The following METTL27 variants were observed in gnomAD, a reference collection of about 807,000 sequenced individuals.
The protein encoded by METTL27 is methyltransferase like 27.
METTL27 carries 29 observed loss-of-function variants against 24.5 expected under a neutral mutation model. The ratio of observed to expected loss-of-function variants is 1.18; its 90% confidence interval spans 0.88 to 1.61. The LOEUF (loss-of-function observed/expected upper bound fraction) is 1.61. METTL27 is among the 40% of genes most tolerant of loss of function. METTL27 has a pLI of 0.00. For synonymous variants in METTL27, 138 were observed against 146.8 expected (o/e 0.94, Z 0.43); for missense variants, 341 against 324.3 (o/e 1.05, Z -0.40).
At position 73,842,072 on chromosome 7, in the gene METTL27, G is replaced by C. The variant is rs1422129653; in HGVS notation, c.69C>G (p.Pro23=). 3.1e-6 allele frequency: 5 copies of C among 1,613,910 alleles called. No individual in the cohort carries two copies. The highest frequency in any genetic ancestry group is 4.2e-6 in the Non-Finnish European group (5 of 1,179,992). ...RARVRAAHGI[P]DLAQKLHFYD... ...AGAAATGGAGCTTTTGGGCCAGGTC[G>C]GGGATGCCATGCGCGGCCCTGACCC... The change falls in exon 2 of 6, where the codon CCC becomes CCG. Residue 23 remains proline, a synonymous_variant. Transcript: ENST00000297873.
Position 73,840,133 on chromosome 7 carries a change from G to GC in METTL27, c.389-14_389-13insG. On this transcript the variant is annotated splice_polypyrimidine_tract_variant and intron_variant, in intron 4 of 5. Transcript: ENST00000297873. ...GCGTCGAAGGTCCCTGTGTGTGTGT[G>GC]GGGGGGGGTGGGGACATGGTGTGAT... is the stretch of plus-strand genomic sequence containing the variant. 2.4e-6 allele frequency: 3 copies of GC among 1,244,240 alleles called. No individual in the cohort carries two copies. Among genetic ancestry groups the GC allele is most frequent in the Non-Finnish European group, 3.3e-6 (3 of 912,840 alleles). 77.1% of individuals were successfully genotyped at this position (1,244,240 alleles called of 1,614,324 possible).
intron 3 of METTL27, 103 bp from the exon 4 acceptor site, chr7:73,840,652 A>G (rs973980386): frequency 1.4e-6 from 2 of 1,453,700 alleles, no homozygotes; most frequent in Admixed American, 2.5e-5. Flanking sequence ...AATGTGGCCC[A>G]TGCATTTGCT....
At chr7:73,837,637 C>T (rs1788247388) in intron 5 of METTL27, among the ~76,000 whole-genome samples, 1 of 151,962 alleles carries the variant, frequency 6.6e-6, no homozygotes, top group South Asian at 2.1e-4. Flanking sequence ...GCTCTTGGCT[C>T]ACTTCAGCCT....
At position 73,841,024 on chromosome 7, in the gene METTL27, G is replaced by T. The variant is rs1222826658; in HGVS notation, c.252+46C>A. The T allele has an allele frequency of 2.1e-6, 3 of 1,418,590 alleles. No individual in the cohort carries two copies. The African/African-American group carries it at 4.5e-5, about 21-fold the overall frequency. The allele number at this position is 1,418,590 out of a possible 1,614,324, so 87.9% of individuals were successfully genotyped here. ...GGCCAGGGGCAGTAGGAGATTTGAGGAAGTGCGGGGCTAAGGAGTAGGCAG... is the reference window on the plus strand; with the variant it reads ...GGCCAGGGGCAGTAGGAGATTTGAGTAAGTGCGGGGCTAAGGAGTAGGCAG... On this transcript the variant is annotated intron_variant, in intron 3 of 5. Transcript: ENST00000297873.
At chr7:73,839,623 T>G in intron 5 of METTL27, 1 of 172,850 alleles carries the variant, frequency 5.8e-6, no homozygotes. Flanking sequence ...TATGAATGAG[T>G]GAGGAAGCAG....
intron 2 of METTL27, 72 bp from the exon 3 acceptor site, chr7:73,841,270 CAG>C: frequency 1.3e-6 from 2 of 1,508,722 alleles, no homozygotes; most frequent in Non-Finnish European, 1.8e-6. Context: ...GGGGTGGTCT[CAG>C]AGTCTGCCAG....
In METTL27 at chr7:73,834,800, T is replaced by C. The variant is rs1554634708; in HGVS notation, c.681A>G (p.Ser227=). Reference sequence around the variant, plus strand: ...CGGTACAGGTAGACAATGCCGGAGATGAAGCCATCCTTGGCAGAGATGCCG... The same window carrying C: ...CGGTACAGGTAGACAATGCCGGAGACGAAGCCATCCTTGGCAGAGATGCCG... ...WYPASLPRMA[S]SPALSTCTES... Residue 227 remains serine (S), a synonymous_variant, in exon 6 of 6, where the codon TCA becomes TCG. Transcript: ENST00000297873. The C allele has an allele frequency of 1.9e-6, 3 of 1,614,140 alleles. No homozygotes were observed. The highest frequency in any genetic ancestry group is 1.7e-5 in the Admixed American group (1 of 60,026).
chr7:73,837,720 C>T (rs537117767), intron 5 of METTL27, among the ~76,000 whole-genome samples: 13 of 152,258 alleles, frequency 8.5e-5, no homozygotes, highest in African/African-American at 3.1e-4. Flanking sequence ...CGTGCCACCA[C>T]GCCCGGCTAT....
chr7:73,841,874 T>A (rs1320596948), intron 2 of METTL27, 144 bp downstream of exon 2: 3 of 1,354,954 alleles, frequency 2.2e-6, no homozygotes, highest in Non-Finnish European at 3.0e-6. Context: ...GTGGGGCGGG[T>A]TCTGGAAGGG....
Position 73,840,126 on chromosome 7 carries a change from TGTGTGTGGGGGGGG to T in METTL27, c.389-20_389-7del. 3 of 1,258,362 alleles carry T rather than the reference TGTGTGTGGGGGGGG, an allele frequency of 2.4e-6. No individual in the cohort carries two copies. Among genetic ancestry groups the T allele is most frequent in the South Asian group, 1.4e-5 (1 of 72,992 alleles). The allele number at this position is 1,258,362 out of a possible 1,614,324, so 77.9% of individuals were successfully genotyped here. ...CAGCACCGCGTCGAAGGTCCCTGTG[TGTGTGTGGGGGGGG>T]GTGGGGACATGGTGTGATGCTTGGA... On this transcript the variant is annotated splice_polypyrimidine_tract_variant and splice_region_variant and intron_variant, in intron 4 of 5. Coordinates refer to ENST00000297873, the MANE Select transcript of METTL27 (RefSeq NM_152559.3).
chr7:73,841,064 C>A lies in METTL27; in HGVS notation c.252+6G>T. 6.8e-7 allele frequency: 1 copy of A among 1,477,882 alleles called. No homozygotes were observed. The allele number at this position is 1,477,882 out of a possible 1,614,324, so 91.5% of individuals were successfully genotyped here. On this transcript the variant is annotated splice_donor_region_variant and intron_variant, in intron 3 of 5. Transcript: ENST00000297873. ...GGAGTAGGCAGGGGATCTGGAAGAG[C>A]CTCACCTCGGCAGCCACTAGGCCTG...
At position 73,840,460 on chromosome 7, in the gene METTL27, G is replaced by A; in HGVS notation, c.342C>T (p.Arg114=). 1 of 1,604,108 alleles carries A rather than the reference G, an allele frequency of 6.2e-7. No individual in the cohort carries two copies. Among genetic ancestry groups the A allele is most frequent in the Non-Finnish European group, 8.5e-7 (1 of 1,176,096 alleles). Residue 114 remains arginine, a synonymous_variant, in exon 4 of 6, where the codon CGC becomes CGT. Transcript: ENST00000297873. ...EQAQAPGLYQ[R]LSLCTLGQEP... ...CCTGGCCCAGGGTGCAGAGGCTGAG[G>A]CGCTGATAGAGGCCGGGGGCCTGGG...
At chr7:73,836,114 C>A (rs1788179552) in intron 5 of METTL27, among the ~76,000 whole-genome samples, 1 of 87,834 alleles carries the variant, frequency 1.1e-5, no homozygotes, top group Non-Finnish European at 3.1e-5. Context: ...ACCAGCCGCC[C>A]CATCCGGGAG....
chr7:73,837,851 C>A (rs189106345), intron 5 of METTL27, among the ~76,000 whole-genome samples: 82 of 151,942 alleles, frequency 5.4e-4, no homozygotes, highest in Non-Finnish European at 1.0e-3. Flanking sequence ...GCCCACCCCC[C>A]CTTTTTTTTC....
In METTL27 at chr7:73,840,060, G is replaced by A. The variant is rs73369964; in HGVS notation, c.449C>T (p.Ala150Val). Residue 150 changes from alanine (A) to valine (V), a missense_variant, in exon 5 of 6, where the codon GCG becomes GTG. By Grantham distance (64) the Ala-to-Val change is moderately conservative (BLOSUM62 0). Transcript: ENST00000297873. ...CTTGGTGACATGTAGCTCAGGTATC[G>A]CATTGCAGGGCACCTGGCCGTCACT... is the stretch of plus-strand genomic sequence containing the variant. ...ALSDGQVPCN[A>V]IPELHVTKPG... 9,158 of 1,611,648 alleles carry A rather than the reference G, an allele frequency of 5.7e-3. 396 individuals carry two copies. The African/African-American group carries it at 0.1, about 18-fold the overall frequency.
intron 5 of METTL27, among the ~76,000 whole-genome samples, chr7:73,837,275 T>A (rs1342489057): frequency 2.0e-5 from 2 of 101,402 alleles, no homozygotes; most frequent in Non-Finnish European, 4.3e-5. Flanking sequence ...CCAAGAATTA[T>A]CAATAAAAAA....
chr7:73,836,457 C>T (rs1554635279), intron 5 of METTL27, among the ~76,000 whole-genome samples: 2 of 142,914 alleles, frequency 1.4e-5, no homozygotes, highest in South Asian at 4.5e-4. Context: ...GTGAGGGGCG[C>T]CTCTGCCCGG....
At chr7:73,835,394 T>A (rs959626286) in intron 5 of METTL27, among the ~76,000 whole-genome samples, 1 of 144,652 alleles carries the variant, frequency 6.9e-6, no homozygotes, top group African/African-American at 2.6e-5. Context: ...TGACTGGTTT[T>A]GGTGGAGACG....
At chr7:73,835,276 C>A (rs946793438) in intron 5 of METTL27, among the ~76,000 whole-genome samples, 1 of 143,304 alleles carries the variant, frequency 7.0e-6, no homozygotes, top group Non-Finnish European at 1.5e-5. Context: ...CATGCTGAGC[C>A]GAAGCTGGAC....
Sources: gnomAD v4.1 joint callset for allele counts (sites outside exome capture counted in the v4.1 genomes callset) on GRCh38, gnomAD v4.1.1 for gene constraint, MANE v1.5 for transcripts, NCBI Gene and HGNC (gene_info 2026-07-23, HGNC 2026-07-21) for gene names.